Variants in CALN1 observed in about 807,000 individuals in gnomAD.
CALN1 encodes calcium-binding protein 8.
Under a neutral mutation model 30.6 loss-of-function variants are expected in CALN1, and 17 were observed. That is an observed-to-expected ratio of 0.56 (90% CI 0.38 to 0.83). The LOEUF is 0.83. Ranked by LOEUF, CALN1 falls within the 40% of genes least tolerant of loss-of-function variation. The probability of loss-of-function intolerance (pLI) is 0.00; values close to 1 mark genes in which losing one functional copy is unlikely to be tolerated. For missense variants in CALN1, 291 were observed against 354.9 expected (o/e 0.82, Z 1.45); for synonymous variants, 156 against 131.4 (o/e 1.19, Z -1.28).
chr7:72,383,868 C>CT (rs1364578944), intron 2 of CALN1, among the ~76,000 whole-genome samples: 3 of 152,158 alleles, frequency 2.0e-5, no homozygotes, highest in Non-Finnish European at 4.4e-5. Flanking sequence ...TAAAATCTTA[C>CT]TTTAAGTTCT....
chr7:72,455,770 C>A, the CALN1 span, among the ~76,000 whole-genome samples: 2 of 151,996 alleles, frequency 1.3e-5, no homozygotes, highest in African/African-American at 4.8e-5. Flanking sequence ...AGGCTCCAAG[C>A]AAGGGGGAAT....
At chr7:72,078,527 T>G (rs745506435) in intron 4 of CALN1, among the ~76,000 whole-genome samples, 32 of 152,144 alleles carry the variant, frequency 2.1e-4, no homozygotes, top group Admixed American at 2.0e-3. Flanking sequence ...CTGGCAACAG[T>G]AACTGATACT....
chr7:72,377,563 A>C (rs1405033501), intron 2 of CALN1, among the ~76,000 whole-genome samples: 1 of 151,938 alleles, frequency 6.6e-6, no homozygotes, highest in Non-Finnish European at 1.5e-5. Flanking sequence ...GCCCTTGCTT[A>C]GGGGTTTGTT....
At chr7:71,997,349 C>T (rs974208718) in intron 5 of CALN1, among the ~76,000 whole-genome samples, 1 of 151,964 alleles carries the variant, frequency 6.6e-6, no homozygotes, top group African/African-American at 2.4e-5. Context: ...ATGTCAAAAT[C>T]AGTGATTGTG....
rs1199518095 is a variant in CALN1, at chr7:72,023,782, G to A, written c.389-13C>T. 1 of 1,605,462 alleles carries A rather than the reference G, an allele frequency of 6.2e-7. No individual in the cohort carries two copies. Among genetic ancestry groups the A allele is most frequent in the African/African-American group, 1.3e-5 (1 of 74,840 alleles). ...ACCTGGCCATCCCCTGCAAGGAGAA[G>A]ATGTAAATATGAGTTGCAAACAAGC... is the stretch of plus-strand genomic sequence containing the variant. On this transcript the variant is annotated splice_polypyrimidine_tract_variant and intron_variant, in intron 4 of 6. Coordinates refer to ENST00000395275, the MANE Select transcript of CALN1 (RefSeq NM_031468.4).
In CALN1 at chr7:71,843,464, A is replaced by G. The variant is rs531197011; in HGVS notation, c.502-32972T>C. Among the ~76,000 whole-genome samples, 10 of 152,180 alleles carry G rather than the reference A, an allele frequency of 6.6e-5. No individual in the cohort carries two copies. The East Asian group carries it at 1.9e-3, about 29-fold the overall frequency. On this transcript the variant is annotated intron_variant, in intron 5 of 6. Coordinates refer to ENST00000395275, the MANE Select transcript of CALN1 (RefSeq NM_031468.4). ...TGAGACCCTATCTCTAAAAAAAACT[A>G]TTTAGAAAAATAGCCAGGCATGGTA...
At chr7:71,997,706 A>G (rs1799323360) in intron 5 of CALN1, among the ~76,000 whole-genome samples, 1 of 152,210 alleles carries the variant, frequency 6.6e-6, no homozygotes, top group Non-Finnish European at 1.5e-5. Context: ...ACTTATAGGC[A>G]AAAAAAATTC....
At chr7:72,061,982 T>C (rs1803686820) in intron 4 of CALN1, among the ~76,000 whole-genome samples, 1 of 152,124 alleles carries the variant, frequency 6.6e-6, no homozygotes, top group African/African-American at 2.4e-5. Context: ...CAGAAAGCAA[T>C]GATTCCAATG....
At chr7:71,792,786 G>A (rs967657142) in intron 6 of CALN1, among the ~76,000 whole-genome samples, 28 of 152,140 alleles carry the variant, frequency 1.8e-4, no homozygotes, top group South Asian at 8.3e-4. Context: ...GAGGGCCTGC[G>A]AAAGCATTAG....
chr7:72,349,337 C>A (rs543032404), intron 2 of CALN1, among the ~76,000 whole-genome samples: 2 of 147,980 alleles, frequency 1.4e-5, no homozygotes, highest in African/African-American at 5.1e-5. Flanking sequence ...GAAGGTTAAA[C>A]AGAAAAAAGT....
intron 6 of CALN1, among the ~76,000 whole-genome samples, chr7:71,802,332 T>C (rs1021368818): frequency 4.6e-5 from 7 of 152,192 alleles, no homozygotes; most frequent in African/African-American, 1.7e-4. Context: ...AAACCAAGAA[T>C]GTCTGGTGCC....
At chr7:72,082,211 C>G (rs547393860) in intron 4 of CALN1, among the ~76,000 whole-genome samples, 5 of 152,274 alleles carry the variant, frequency 3.3e-5, no homozygotes, top group African/African-American at 1.2e-4. Flanking sequence ...ATCTCGAACT[C>G]CTGACCTCAG....
At chr7:72,494,135 A>C in the CALN1 span, among the ~76,000 whole-genome samples, 3 of 152,088 alleles carry the variant, frequency 2.0e-5, no homozygotes, top group African/African-American at 7.2e-5. Flanking sequence ...GGCTGCAGTG[A>C]GCCATGATTG....
At chr7:72,405,844 A>G (rs1378200449) in intron 1 of CALN1, among the ~76,000 whole-genome samples, 3 of 152,202 alleles carry the variant, frequency 2.0e-5, no homozygotes, top group African/African-American at 7.2e-5. Flanking sequence ...CCCCATATGC[A>G]AAAACTTCTG....
intron 2 of CALN1, among the ~76,000 whole-genome samples, chr7:72,359,221 A>T (rs1277156556): frequency 6.6e-6 from 1 of 152,126 alleles, no homozygotes; most frequent in Non-Finnish European, 1.5e-5. Flanking sequence ...ACCATGTCAG[A>T]GTCACTCTTG....
intron 5 of CALN1, among the ~76,000 whole-genome samples, chr7:71,886,058 T>C (rs144238409): frequency 1.1e-4 from 16 of 152,340 alleles, no homozygotes; most frequent in African/African-American, 3.6e-4. Context: ...CTAGAGAAGA[T>C]AGCTGGCTGA....
chr7:72,360,823 G>T (rs1456931332), intron 2 of CALN1, among the ~76,000 whole-genome samples: 1 of 151,642 alleles, frequency 6.6e-6, no homozygotes, highest in African/African-American at 2.4e-5. Context: ...CCGCCTCCCG[G>T]ATTCAAGCAA....
In CALN1 at chr7:72,171,023, G is replaced by T. The variant is rs184026925; in HGVS notation, c.245-64729C>A. 4.5e-3 allele frequency among the ~76,000 whole-genome samples: 679 copies of T among 152,196 alleles called. 3 individuals are homozygous for T. The highest frequency in any genetic ancestry group is 0.016 in the African/African-American group (659 of 41,540). ...TATACAAAAATTAGCTGGGCATGGC[G>T]GTGTATGCCTATAGTCCCAACCACT... On this transcript the variant is annotated intron_variant, in intron 3 of 6. Coordinates refer to ENST00000395275, the MANE Select transcript of CALN1 (RefSeq NM_031468.4).
At chr7:72,239,335 A>G (rs937879528) in intron 3 of CALN1, among the ~76,000 whole-genome samples, 1 of 152,078 alleles carries the variant, frequency 6.6e-6, no homozygotes, top group African/African-American at 2.4e-5. Context: ...GAGTGAGGCT[A>G]TAATAAGCTA....
Sources: gnomAD v4.1 joint callset for allele counts (sites outside exome capture counted in the v4.1 genomes callset) on GRCh38, gnomAD v4.1.1 for gene constraint, MANE v1.5 for transcripts, NCBI Gene and HGNC (gene_info 2026-07-23, HGNC 2026-07-21) for gene names.